The following TBC1D19 variants were observed in gnomAD, a reference collection of about 807,000 sequenced individuals.
The protein encoded by TBC1D19 is TBC1 domain family, member 19.
Under a neutral mutation model 89.0 loss-of-function variants are expected in TBC1D19, and 60 were observed. The ratio of observed to expected loss-of-function variants is 0.67; its 90% CI spans 0.55 to 0.84. The LOEUF (loss-of-function observed/expected upper bound fraction) is 0.84. TBC1D19 is among the 40% of genes least tolerant of loss of function. The pLI, the probability that TBC1D19 is intolerant of heterozygous loss-of-function variation, is 0.00. For synonymous variants in TBC1D19, 189 were observed against 199.7 expected, an observed-to-expected ratio of 0.95 and a Z score of 0.45; for missense variants, 500 against 610.8, an observed-to-expected ratio of 0.82 and a Z score of 1.91.
At chr4:26,652,935 C>T (rs1010134987) in intron 7 of TBC1D19, among the ~76,000 whole-genome samples, 135 of 152,156 alleles carry the variant, frequency 8.9e-4, no homozygotes, top group Admixed American at 4.3e-3. Flanking sequence ...GCTCTTGCTT[C>T]TCTAGTTCTT....
chr4:26,843,484 A>G, the TBC1D19 span, among the ~76,000 whole-genome samples: 3 of 152,016 alleles, frequency 2.0e-5, no homozygotes, highest in African/African-American at 4.8e-5. Flanking sequence ...AAAATGTAGC[A>G]TTGACATCGG....
the TBC1D19 span, among the ~76,000 whole-genome samples, chr4:26,825,668 T>C: frequency 1.3e-5 from 2 of 152,176 alleles, no homozygotes; most frequent in African/African-American, 2.4e-5. Context: ...ACTAGTTAAG[T>C]AAAAGGGGTT....
the TBC1D19 span, among the ~76,000 whole-genome samples, chr4:26,807,187 A>G: frequency 2.0e-5 from 3 of 152,146 alleles, no homozygotes; most frequent in Non-Finnish European, 4.4e-5. Context: ...CAGGAGACGC[A>G]GCAGGGATCC....
At chr4:26,629,102 C>A (rs1041987564) in intron 4 of TBC1D19, among the ~76,000 whole-genome samples, 6 of 152,052 alleles carry the variant, frequency 3.9e-5, no homozygotes, top group Admixed American at 6.6e-5. Flanking sequence ...TCATACTTGA[C>A]CTCTTCCACT....
At chr4:26,717,594 C>G (rs1471980087) in intron 13 of TBC1D19, among the ~76,000 whole-genome samples, 1 of 152,006 alleles carries the variant, frequency 6.6e-6, no homozygotes, top group Admixed American at 6.6e-5. Flanking sequence ...TGCTCTATGT[C>G]ACAATAGTTA....
chr4:26,595,966 A>T lies in TBC1D19; in HGVS notation c.99+11674A>T, dbSNP rs558682517. 4.3e-4 allele frequency among the ~76,000 whole-genome samples: 66 copies of T among 151,846 alleles called. No individual in the cohort carries two copies. The East Asian group carries it at 4.8e-3, about 11-fold the overall frequency. On this transcript the variant is annotated intron_variant, in intron 1 of 20. Coordinates refer to ENST00000264866, the MANE Select transcript of TBC1D19 (RefSeq NM_018317.4). ...ATTTATTTATTTTTAATTAAAAAAA[A>T]TTTTTTTTGAGAGAGAGTGTCACTT...
At chr4:26,845,053 C>T in the TBC1D19 span, among the ~76,000 whole-genome samples, 1 of 152,164 alleles carries the variant, frequency 6.6e-6, no homozygotes, top group Non-Finnish European at 1.5e-5. Context: ...TAAATATTCT[C>T]ATACATAGTG....
chr4:26,714,907 T>C, intron 13 of TBC1D19, among the ~76,000 whole-genome samples: 1 of 152,170 alleles, frequency 6.6e-6, no homozygotes, highest in East Asian at 1.9e-4. Context: ...CTTTGATGGT[T>C]ACTCACTACT....
chr4:26,747,135 G>A (rs371300520), intron 18 of TBC1D19, among the ~76,000 whole-genome samples: 5 of 152,188 alleles, frequency 3.3e-5, no homozygotes, highest in Admixed American at 6.5e-5. Flanking sequence ...AAGTGAAACC[G>A]TAGGAGGATG....
chr4:26,750,725 G>C (rs983508987), intron 19 of TBC1D19, among the ~76,000 whole-genome samples: 7 of 152,098 alleles, frequency 4.6e-5, no homozygotes, highest in African/African-American at 1.7e-4. Flanking sequence ...AAGAATTCTG[G>C]AACATCTAGA....
chr4:26,712,421 G>C (rs1290211920), intron 13 of TBC1D19, among the ~76,000 whole-genome samples: 1 of 151,942 alleles, frequency 6.6e-6, no homozygotes, highest in Non-Finnish European at 1.5e-5. Context: ...TGTCTTCAAA[G>C]CCAGCAGAGA....
the TBC1D19 span, among the ~76,000 whole-genome samples, chr4:26,839,552 G>A: frequency 6.7e-6 from 1 of 148,486 alleles, no homozygotes; most frequent in Non-Finnish European, 1.5e-5. Flanking sequence ...AGCAGGGTGG[G>A]TTCAATCTCC....
intron 18 of TBC1D19, among the ~76,000 whole-genome samples, chr4:26,746,610 T>G (rs1718664265): frequency 6.6e-6 from 1 of 152,202 alleles, no homozygotes; most frequent in African/African-American, 2.4e-5. Context: ...TATACTGTAG[T>G]TTCCCCTTAT....
At chr4:26,578,140 CT>C (rs1330455096) in intron 1 of TBC1D19, among the ~76,000 whole-genome samples, 2 of 152,194 alleles carry the variant, frequency 1.3e-5, no homozygotes, top group Admixed American at 6.5e-5. Context: ...TGGTAACAGG[CT>C]TTTGGTCCCT....
the TBC1D19 span, among the ~76,000 whole-genome samples, chr4:26,775,806 G>T: frequency 1.3e-5 from 2 of 152,178 alleles, no homozygotes; most frequent in South Asian, 2.1e-4. Flanking sequence ...CCCTTTATTT[G>T]TCAGTTTTCA....
At chr4:26,621,162 G>A (rs572253448) in intron 4 of TBC1D19, among the ~76,000 whole-genome samples, 1 of 152,134 alleles carries the variant, frequency 6.6e-6, no homozygotes, top group African/African-American at 2.4e-5. Context: ...CTATCAAAAT[G>A]GGTTGGCAAA....
the TBC1D19 span, among the ~76,000 whole-genome samples, chr4:26,792,819 C>T: frequency 6.6e-6 from 1 of 152,224 alleles, no homozygotes; most frequent in East Asian, 1.9e-4. Context: ...TGGGTTCCAG[C>T]CAGGCCTTCC....
At chr4:26,667,156 T>C (rs527259202) in intron 9 of TBC1D19, among the ~76,000 whole-genome samples, 3 of 152,148 alleles carry the variant, frequency 2.0e-5, no homozygotes, top group Non-Finnish European at 4.4e-5. Context: ...ACATACTATA[T>C]GTTGCATCTA....
At chr4:26,675,652 G>A (rs1307966675) in intron 11 of TBC1D19, among the ~76,000 whole-genome samples, 1 of 151,998 alleles carries the variant, frequency 6.6e-6, no homozygotes, top group Non-Finnish European at 1.5e-5. Context: ...AAGAGAGAAG[G>A]AAAAAGAATA....
Sources: allele counts gnomAD v4.1 joint callset (sites outside exome capture counted in the v4.1 genomes callset), GRCh38; gene constraint gnomAD v4.1.1; transcripts MANE v1.5; gene names NCBI Gene and HGNC (gene_info 2026-07-23, HGNC 2026-07-21).